IMMP2L: variants seen among roughly 807,000 people sequenced by gnomAD.
The protein encoded by IMMP2L is mitochondrial inner membrane protease subunit 2.
A neutral mutation model predicts 19.3 loss-of-function variants in IMMP2L; 18 were observed. The ratio of observed to expected loss-of-function variants is 0.93; its 90% CI spans 0.64 to 1.38. The LOEUF (loss-of-function observed/expected upper bound fraction) is 1.38. Among genes scored for constraint, IMMP2L ranks in the 40% most tolerant of loss-of-function variants. IMMP2L has a pLI of 0.00. For synonymous variants in IMMP2L, 76 were observed against 73.0 expected (o/e 1.04, Z -0.21); for missense variants, 233 against 218.2 (o/e 1.07, Z -0.43).
rs569193607 is a variant in IMMP2L, at chr7:110,830,788, G to A, written c.408+55805C>T. Among the ~76,000 whole-genome samples, 8 of 152,042 alleles carry A rather than the reference G, an allele frequency of 5.3e-5. No individual in the cohort carries two copies. In the South Asian group the frequency reaches 1.7e-3, roughly 32 times the overall value. ...CCTTGCTCTCTTTTCCCCACCAGCT[G>A]TTGTTGAAATCAAGTAAACCTGGAC... On this transcript the variant is annotated intron_variant, in intron 5 of 5. Transcript: ENST00000405709.
chr7:111,016,824 A>T (rs13224004), intron 3 of IMMP2L, among the ~76,000 whole-genome samples: 26 of 54,098 alleles, frequency 4.8e-4, no homozygotes, highest in Non-Finnish European at 8.4e-4. Context: ...TATTATATAT[A>T]ATATATAGTA....
At chr7:111,102,795 T>C (rs759036920) in intron 3 of IMMP2L, among the ~76,000 whole-genome samples, 82 of 151,700 alleles carry the variant, frequency 5.4e-4, no homozygotes, top group Admixed American at 4.3e-3. Flanking sequence ...GAAACCATTC[T>C]TCACTAATCC....
chr7:111,270,680 G>A (rs1237940682), intron 3 of IMMP2L, among the ~76,000 whole-genome samples: 1 of 152,096 alleles, frequency 6.6e-6, no homozygotes, highest in Non-Finnish European at 1.5e-5. Context: ...TTTAATCAAA[G>A]TAATTTCTAC....
At chr7:110,817,052 T>C (rs1802588742) in intron 5 of IMMP2L, among the ~76,000 whole-genome samples, 2 of 152,170 alleles carry the variant, frequency 1.3e-5, no homozygotes, top group Admixed American at 1.3e-4. Context: ...ATGCAGTTTC[T>C]TCCTAGCCTT....
chr7:111,480,085 C>CT (rs745928732), intron 3 of IMMP2L, among the ~76,000 whole-genome samples: 3,598 of 141,066 alleles, frequency 0.026, 164 homozygotes, highest in African/African-American at 0.083. Context: ...AGGATACCAA[C>CT]TTTTTTTTTT....
chr7:110,770,589 T>A (rs1188717922), intron 5 of IMMP2L, among the ~76,000 whole-genome samples: 1 of 152,218 alleles, frequency 6.6e-6, no homozygotes, highest in African/African-American at 2.4e-5. Flanking sequence ...TGGCAGTTGA[T>A]GTTCCTGAAG....
chr7:111,282,847 T>C (rs1375706024), intron 3 of IMMP2L, among the ~76,000 whole-genome samples: 1 of 152,124 alleles, frequency 6.6e-6, no homozygotes, highest in African/African-American at 2.4e-5. Flanking sequence ...CCTCCCTAAG[T>C]GCTGGGATTA....
At chr7:111,240,920 G>A (rs1814942766) in intron 3 of IMMP2L, among the ~76,000 whole-genome samples, 1 of 151,812 alleles carries the variant, frequency 6.6e-6, no homozygotes, top group Non-Finnish European at 1.5e-5. Flanking sequence ...TAGAAAGACA[G>A]GTGCTATAAA....
intron 4 of IMMP2L, among the ~76,000 whole-genome samples, chr7:110,914,295 G>A (rs1813358470): frequency 6.6e-6 from 1 of 152,162 alleles, no homozygotes; most frequent in Non-Finnish European, 1.5e-5. Flanking sequence ...GGGAGCAACG[G>A]TTTTGGCATC....
chr7:111,533,142 G>A (rs1385402180), intron 1 of IMMP2L, among the ~76,000 whole-genome samples: 1 of 152,114 alleles, frequency 6.6e-6, no homozygotes, highest in Non-Finnish European at 1.5e-5. Flanking sequence ...ATCCTGAGTG[G>A]CCTGGAGATA....
rs1466593601 is a variant in IMMP2L, at chr7:110,803,495, T to A, written c.408+83098A>T. Among the ~76,000 whole-genome samples the A allele has an allele frequency of 1.3e-5, 2 of 152,032 alleles. No individual in the cohort carries two copies. The highest frequency in any genetic ancestry group is 2.9e-5 in the Non-Finnish European group (2 of 67,998). On this transcript the variant is annotated intron_variant, in intron 5 of 5. Coordinates refer to ENST00000405709, the MANE Select transcript of IMMP2L (RefSeq NM_032549.4). This position sits in a 1 kb window ranked among gnomAD's most constrained non-coding sequence, Gnocchi z 4.2. ...AGAGTAGGAATCAATGGGATCAATGTGTACACAGGGAGAAGGAGAAAGGAG... is the reference window on the plus strand; with the variant it reads ...AGAGTAGGAATCAATGGGATCAATGAGTACACAGGGAGAAGGAGAAAGGAG...
intron 5 of IMMP2L, among the ~76,000 whole-genome samples, chr7:110,781,578 A>G (rs1481418365): frequency 4.6e-5 from 7 of 151,812 alleles, no homozygotes; most frequent in Non-Finnish European, 1.0e-4. Flanking sequence ...TATTTTTCCA[A>G]GAAAACCATG....
At chr7:110,784,998 G>A (rs1799973532) in intron 5 of IMMP2L, among the ~76,000 whole-genome samples, 1 of 151,644 alleles carries the variant, frequency 6.6e-6, no homozygotes, top group South Asian at 2.1e-4. Flanking sequence ...TCTAAAACAT[G>A]GTATTAGAAA....
Position 111,554,616 on chromosome 7 carries a change from T to TTTA in IMMP2L, c.-3+7232_-3+7234dup, listed in dbSNP as rs537769881. Among the ~76,000 whole-genome samples the TTTA allele has an allele frequency of 2.4e-3, 367 of 151,460 alleles. 1 individual carries two copies. The highest frequency in any genetic ancestry group is 3.7e-3 in the East Asian group (19 of 5,124). On this transcript the variant is annotated intron_variant, in intron 1 of 5. Coordinates refer to ENST00000405709, the MANE Select transcript of IMMP2L (RefSeq NM_032549.4). ...CCTCAAAGCATTGCTTTATTTTTAT[T>TTTA]TTATTATTATTATTATTATTATTTG...
chr7:111,424,638 T>C (rs1835896503), intron 3 of IMMP2L, among the ~76,000 whole-genome samples: 1 of 151,816 alleles, frequency 6.6e-6, no homozygotes, highest in African/African-American at 2.4e-5. Context: ...TAAAACTATA[T>C]CTTAAATATG....
intron 3 of IMMP2L, among the ~76,000 whole-genome samples, chr7:111,308,291 T>C (rs1190531150): frequency 6.6e-6 from 1 of 151,892 alleles, no homozygotes; most frequent in Non-Finnish European, 1.5e-5. Context: ...TATATAAGGG[T>C]AAACAAATAA....
intron 4 of IMMP2L, among the ~76,000 whole-genome samples, chr7:110,959,762 ATTCGCAGACT>A (rs965150820): frequency 3.9e-5 from 6 of 151,940 alleles, no homozygotes; most frequent in African/African-American, 1.2e-4. Flanking sequence ...CCTGGTGTCA[ATTCGCAGACT>A]TTACACATGG....
intron 1 of IMMP2L, among the ~76,000 whole-genome samples, chr7:111,528,143 T>C (rs1847056860): frequency 6.6e-6 from 1 of 152,198 alleles, no homozygotes; most frequent in African/African-American, 2.4e-5. Context: ...CATTCACATA[T>C]TGGCAAAGTT....
intron 3 of IMMP2L, among the ~76,000 whole-genome samples, chr7:111,133,887 T>C (rs976740242): frequency 6.6e-6 from 1 of 152,080 alleles, no homozygotes; most frequent in African/African-American, 2.4e-5. Context: ...TCAGTTATTA[T>C]AGTCCAGTAT....
Sources: gnomAD v4.1 joint callset for allele counts (sites outside exome capture counted in the v4.1 genomes callset) on GRCh38, gnomAD v4.1.1 for gene constraint, Gnocchi (gnomAD v3.1) non-coding constraint, MANE v1.5 for transcripts, NCBI Gene and HGNC (gene_info 2026-07-23, HGNC 2026-07-21) for gene names.